GFRA1: variants seen among roughly 807,000 people sequenced by gnomAD.
GFRA1 encodes the protein GDNF family receptor alpha 1, also known as GDNF family receptor alpha-1.
In GFRA1, 16 loss-of-function variants were observed where a neutral mutation model predicts 51.6. That is an observed-to-expected ratio of 0.31 (90% CI 0.21 to 0.47). The LOEUF (loss-of-function observed/expected upper bound fraction) is 0.47, where lower values mean the gene tolerates loss of function less well. Among genes scored for constraint, GFRA1 ranks in the 20% least tolerant of loss-of-function variants. The probability of loss-of-function intolerance (pLI) is 1.00; values close to 1 mark genes in which losing one functional copy is unlikely to be tolerated. For synonymous variants in GFRA1, 270 were observed against 241.3 expected, an observed-to-expected ratio of 1.12 and a Z score of -1.10; for missense variants, 530 against 594.3, an observed-to-expected ratio of 0.89 and a Z score of 1.13.
intron 5 of GFRA1, among the ~76,000 whole-genome samples, chr10:116,182,766 A>G (rs7901076): frequency 0.88 from 134,142 of 152,242 alleles, 59,165 homozygotes; most frequent in Admixed American, 0.93. Context: ...TCCAAGAGAT[A>G]CCCAGGTCCC....
chr10:116,167,749 G>T (rs958839766), intron 5 of GFRA1, among the ~76,000 whole-genome samples: 2 of 152,180 alleles, frequency 1.3e-5, no homozygotes, highest in Admixed American at 6.5e-5. Context: ...GATCCCAGGA[G>T]ATAGCATTTT....
Position 116,060,438 on chromosome 10 carries a change from G to T in GFRA1, c.*3960C>A, listed in dbSNP as rs549652663. 9.2e-5 allele frequency: 14 copies of T among 152,268 alleles called. No individual in the cohort carries two copies. The highest frequency in any genetic ancestry group is 2.1e-4 in the Non-Finnish European group (14 of 68,040). The allele number at this position is 152,268 out of a possible 1,614,324, so 9.4% of individuals were successfully genotyped here. ...GGAACTCTGGCTGTTTCGTTAGAAG[G>T]TCCCTGTTCTGATCAGTAAGGAACA... On this transcript the variant is annotated 3_prime_UTR_variant, in exon 11 of 11. Coordinates refer to ENST00000355422, the MANE Select transcript of GFRA1 (RefSeq NM_005264.8).
In GFRA1 at chr10:116,266,647, C is replaced by T. The variant is rs1969678666; in HGVS notation, c.418+2856G>A. 2.6e-5 allele frequency among the ~76,000 whole-genome samples: 4 copies of T among 152,298 alleles called. No homozygotes were observed. In the South Asian group the frequency reaches 6.2e-4, roughly 24 times the overall value. ...TATGATTTCTGGGTTCTAGACAGGA[C>T]AGGGCTCACAAACTCCAGATCATAC... On this transcript the variant is annotated intron_variant, in intron 4 of 10. Transcript: ENST00000355422.
At chr10:116,163,876 T>C (rs1960097370) in intron 5 of GFRA1, among the ~76,000 whole-genome samples, 1 of 152,210 alleles carries the variant, frequency 6.6e-6, no homozygotes, top group African/African-American at 2.4e-5. Context: ...TCCCCGAGTT[T>C]GATCTGTCTG....
chr10:116,236,841 A>C (rs867321203), intron 4 of GFRA1, among the ~76,000 whole-genome samples: 1 of 152,178 alleles, frequency 6.6e-6, no homozygotes, highest in Non-Finnish European at 1.5e-5. Context: ...CTTCTCCACT[A>C]AACAGGAAAA....
At chr10:116,069,458 C>T (rs1955273188) in intron 9 of GFRA1, among the ~76,000 whole-genome samples, 2 of 152,134 alleles carry the variant, frequency 1.3e-5, no homozygotes, top group African/African-American at 4.8e-5. Flanking sequence ...GCCTTCCCTA[C>T]ATTCTGGAAA....
At chr10:116,158,799 T>C (rs10749189) in intron 5 of GFRA1, among the ~76,000 whole-genome samples, 56,861 of 152,032 alleles carry the variant, frequency 0.37, 10,679 homozygotes, top group East Asian at 0.42. Flanking sequence ...GAGGGGGTCA[T>C]CCTGGCTGCA....
intron 3 of GFRA1, among the ~76,000 whole-genome samples, chr10:116,269,917 A>G (rs530310585): frequency 5.9e-5 from 9 of 152,214 alleles, no homozygotes; most frequent in East Asian, 1.9e-4. Flanking sequence ...CCAGGAGCCA[A>G]TGGAAGAAAG....
chr10:116,159,893 A>G (rs529957725), intron 5 of GFRA1, among the ~76,000 whole-genome samples: 2 of 152,340 alleles, frequency 1.3e-5, no homozygotes, highest in African/African-American at 4.8e-5. Context: ...CTTATCAATC[A>G]TATAAAATGG....
At chr10:116,250,770 C>G (rs1968274278) in intron 4 of GFRA1, among the ~76,000 whole-genome samples, 1 of 152,196 alleles carries the variant, frequency 6.6e-6, no homozygotes, top group African/African-American at 2.4e-5. Context: ...GTCCTCAGGA[C>G]CCCTGGCCAT....
Position 116,194,066 on chromosome 10 carries a change from T to TAAAAAAAA in GFRA1, c.433+17557_433+17564dup, listed in dbSNP as rs1051845471. Among the ~76,000 whole-genome samples, 235 of 26,966 alleles carry TAAAAAAAA rather than the reference T, an allele frequency of 8.7e-3. 6 individuals are homozygous for TAAAAAAAA. The highest frequency in any genetic ancestry group is 0.016 in the Non-Finnish European group (186 of 11,478). 17.7% of individuals were successfully genotyped at this position (26,966 alleles called of 152,430 possible). ...TAAAAAAAAATAAATAAATAAAATT[T>TAAAAAAAA]AAAAAAAAAAAAAAAAGGTGGCTCA... On this transcript the variant is annotated intron_variant, in intron 5 of 10. Transcript: ENST00000355422.
chr10:116,079,524 C>A (rs527969133), intron 9 of GFRA1, among the ~76,000 whole-genome samples: 1 of 152,034 alleles, frequency 6.6e-6, no homozygotes, highest in South Asian at 2.1e-4. Context: ...CCCTTCGCTT[C>A]GGGCAGTGAT....
At chr10:116,206,386 C>G (rs539968544) in intron 5 of GFRA1, among the ~76,000 whole-genome samples, 306 of 152,200 alleles carry the variant, frequency 2.0e-3, no homozygotes, top group African/African-American at 7.0e-3. Context: ...GTTTGAAATA[C>G]GCAAAAGAGC....
chr10:116,212,332 T>C lies in GFRA1; in HGVS notation c.419-687A>G, dbSNP rs1001121526. Among the ~76,000 whole-genome samples the C allele has an allele frequency of 5.2e-4, 79 of 151,956 alleles. 1 individual carries two copies. Among genetic ancestry groups the C allele is most frequent in the African/African-American group, 1.8e-3 (74 of 41,468 alleles). ...GTCAGGAGTTCAAGACCAGCCTGGCTAACATGGTGAAACCCCATCTCTACT... is the reference window on the plus strand; with the variant it reads ...GTCAGGAGTTCAAGACCAGCCTGGCCAACATGGTGAAACCCCATCTCTACT... On this transcript the variant is annotated intron_variant, in intron 4 of 10. Coordinates refer to ENST00000355422, the MANE Select transcript of GFRA1 (RefSeq NM_005264.8).
chr10:116,114,427 C>G (rs1194398556), intron 6 of GFRA1, among the ~76,000 whole-genome samples: 1 of 152,184 alleles, frequency 6.6e-6, no homozygotes, highest in Non-Finnish European at 1.5e-5. Flanking sequence ...CTCCGTTTTC[C>G]CTAATGGTAC....
intron 5 of GFRA1, among the ~76,000 whole-genome samples, chr10:116,160,482 G>A (rs541478509): frequency 6.6e-6 from 1 of 152,256 alleles, no homozygotes; most frequent in African/African-American, 2.4e-5. Flanking sequence ...TCACGTCCTT[G>A]GTATTTCATC....
intron 5 of GFRA1, among the ~76,000 whole-genome samples, chr10:116,188,965 A>T (rs962649420): frequency 1.3e-5 from 2 of 151,438 alleles, no homozygotes; most frequent in Admixed American, 6.6e-5. Context: ...TAAAAAAAAT[A>T]AGGGTGGGGG....
At chr10:116,208,816 T>A (rs529994479) in intron 5 of GFRA1, among the ~76,000 whole-genome samples, 1 of 152,326 alleles carries the variant, frequency 6.6e-6, no homozygotes, top group South Asian at 2.1e-4. Context: ...GGTCCTGACT[T>A]CATCATTAGT....
At chr10:116,184,040 G>A (rs1486735080) in intron 5 of GFRA1, among the ~76,000 whole-genome samples, 1 of 152,230 alleles carries the variant, frequency 6.6e-6, no homozygotes, top group African/African-American at 2.4e-5. Context: ...TGCTTCCCGA[G>A]GCTGCATGGA....
Sources: gnomAD v4.1 joint callset for allele counts (sites outside exome capture counted in the v4.1 genomes callset) on GRCh38, gnomAD v4.1.1 for gene constraint, MANE v1.5 for transcripts, NCBI Gene and HGNC (gene_info 2026-07-23, HGNC 2026-07-21) for gene names.